The following FAM20C variants were observed in gnomAD, a reference collection of about 807,000 sequenced individuals.
The protein encoded by FAM20C is FAM20C golgi associated secretory pathway kinase.
In FAM20C, 40 loss-of-function variants were observed where a neutral mutation model predicts 51.5. The ratio of observed to expected loss-of-function variants is 0.78; its 90% CI spans 0.60 to 1.01. The LOEUF (loss-of-function observed/expected upper bound fraction) is 1.01. FAM20C is among the 50% of genes least tolerant of loss of function. FAM20C has a pLI of 0.00. For synonymous variants in FAM20C, 406 were observed against 380.6 expected (o/e 1.07, Z -0.78); for missense variants, 861 against 844.7 (o/e 1.02, Z -0.24).
chr7:219,661 C>T (rs1309415457), intron 3 of FAM20C, among the ~76,000 whole-genome samples: 2 of 152,164 alleles, frequency 1.3e-5, no homozygotes, highest in Non-Finnish European at 2.9e-5. Context: ...CCAGGGTGTC[C>T]TGCAGAGACT....
chr7:245,657 C>T (rs532781347), intron 3 of FAM20C, among the ~76,000 whole-genome samples: 1 of 152,374 alleles, frequency 6.6e-6, no homozygotes, highest in East Asian at 1.9e-4. Flanking sequence ...ACAATTCCTC[C>T]ACGTTTCCAC....
chr7:223,012 C>T (rs546961373), intron 3 of FAM20C, among the ~76,000 whole-genome samples: 6 of 148,468 alleles, frequency 4.0e-5, no homozygotes, highest in Admixed American at 1.3e-4. Flanking sequence ...GGCATCTGTA[C>T]GTGTGTGTGC....
chr7:260,006 G>A lies in FAM20C; in HGVS notation c.*26G>A, dbSNP rs573159780. The A allele has an allele frequency of 2.7e-6, 4 of 1,484,648 alleles. No individual in the cohort carries two copies. Among genetic ancestry groups the A allele is most frequent in the African/African-American group, 1.4e-5 (1 of 71,882 alleles). 92.0% of individuals were successfully genotyped at this position (1,484,648 alleles called of 1,614,324 possible). A position where few individuals can be genotyped will look rare whatever the true frequency, so the allele number is the denominator to read the frequency against. On this transcript the variant is annotated 3_prime_UTR_variant, in exon 10 of 10. Transcript: ENST00000313766. ...TGTCCGCCGGCCGCTGCGCTGCCCGGGACGGAGACAGAGGCGCCGGACCTC... is the reference window on the plus strand; with the variant it reads ...TGTCCGCCGGCCGCTGCGCTGCCCGAGACGGAGACAGAGGCGCCGGACCTC...
rs1479646302 is a variant in FAM20C at position 242,062 on chromosome 7, C to T, written c.864-4353C>T. Among the ~76,000 whole-genome samples, 5 of 152,318 alleles carry T rather than the reference C, an allele frequency of 3.3e-5. No individual in the cohort carries two copies. The East Asian group carries it at 9.7e-4, about 29-fold the overall frequency. On this transcript the variant is annotated intron_variant, in intron 3 of 9. Transcript: ENST00000313766. Reference sequence around the variant, plus strand: ...GCCCCTCCCTGGGCCTCAGTGTCCCCAGAGGCCCCCTGCGCTCTGGCAGGC... The same window carrying T: ...GCCCCTCCCTGGGCCTCAGTGTCCCTAGAGGCCCCCTGCGCTCTGGCAGGC...
intron 2 of FAM20C, 108 bp downstream of exon 2, chr7:195,840 AC>A: frequency 1.8e-6 from 2 of 1,131,786 alleles, no homozygotes; most frequent in Non-Finnish European, 1.1e-6. Flanking sequence ...GTTGCTCATT[AC>A]GGCAGCGTCA....
chr7:246,140 C>G, intron 3 of FAM20C: 1 of 335,274 alleles, frequency 3.0e-6, no homozygotes, highest in Non-Finnish European at 5.6e-6. Flanking sequence ...CCTCCGGCCT[C>G]CGTCGCAAGG....
intron 2 of FAM20C, among the ~76,000 whole-genome samples, chr7:207,479 C>A (rs1317208904): frequency 1.3e-5 from 2 of 152,232 alleles, no homozygotes; most frequent in African/African-American, 4.8e-5. Context: ...CCAGCCCTGC[C>A]CCTCGCTCCG....
intron 2 of FAM20C, among the ~76,000 whole-genome samples, chr7:199,380 G>A (rs1024797779): frequency 3.9e-5 from 6 of 152,216 alleles, no homozygotes; most frequent in African/African-American, 9.6e-5. Context: ...TCCAACCACC[G>A]CTCCACAGCG....
intron 1 of FAM20C, among the ~76,000 whole-genome samples, chr7:194,737 G>T (rs972478247): frequency 1.3e-5 from 2 of 152,018 alleles, no homozygotes; most frequent in Non-Finnish European, 2.9e-5. Flanking sequence ...AGAGACGGCC[G>T]CCCAGAGCAG....
intron 8 of FAM20C, 114 bp downstream of exon 8, chr7:257,200 G>A (rs1381607555): frequency 5.6e-6 from 6 of 1,066,992 alleles, no homozygotes; most frequent in African/African-American, 1.6e-5. Flanking sequence ...TGGAGGGATG[G>A]GAATGTCGCA....
chr7:209,969 T>A (rs1013467515), intron 3 of FAM20C, among the ~76,000 whole-genome samples: 5 of 151,964 alleles, frequency 3.3e-5, no homozygotes, highest in African/African-American at 1.2e-4. Flanking sequence ...TGCCCCGGTC[T>A]TCCCCCAAGA....
chr7:253,264 C>T (rs560587469), intron 5 of FAM20C, among the ~76,000 whole-genome samples: 174 of 152,316 alleles, frequency 1.1e-3, no homozygotes, highest in African/African-American at 3.8e-3. Flanking sequence ...GGCAGACGTC[C>T]GCCTTGCAAA....
intron 2 of FAM20C, 44 bp from the exon 3 acceptor site, chr7:208,853 CG>C: frequency 6.5e-7 from 1 of 1,538,770 alleles, no homozygotes; most frequent in Non-Finnish European, 8.8e-7. Context: ...GAAGAAGGGG[CG>C]TGAGGCCAGA....
chr7:250,073 C>T (rs376094063), intron 5 of FAM20C, among the ~76,000 whole-genome samples: 68 of 152,318 alleles, frequency 4.5e-4, no homozygotes, highest in African/African-American at 1.5e-3. Context: ...ACTCTCCTGG[C>T]CCATCTGTTT....
chr7:212,996 A>G (rs1036537185), intron 3 of FAM20C, among the ~76,000 whole-genome samples: 1 of 152,170 alleles, frequency 6.6e-6, no homozygotes, highest in Non-Finnish European at 1.5e-5. Flanking sequence ...GTCAAGCACT[A>G]GCCTACTTTC....
intron 2 of FAM20C, among the ~76,000 whole-genome samples, chr7:203,474 G>A (rs372951509): frequency 5.9e-5 from 9 of 152,236 alleles, no homozygotes; most frequent in African/African-American, 1.9e-4. Flanking sequence ...AGGAGGGTGG[G>A]CGTCTGTACC....
intron 8 of FAM20C, among the ~76,000 whole-genome samples, chr7:258,025 ACC>A: frequency 2.6e-5 from 2 of 75,592 alleles, no homozygotes; most frequent in Non-Finnish European, 5.3e-5. Flanking sequence ...GGCTGGGTGG[ACC>A]CACTGCCCGG....
chr7:258,183 G>A (rs1450255128), intron 8 of FAM20C, among the ~76,000 whole-genome samples: 4 of 118,140 alleles, frequency 3.4e-5, no homozygotes, highest in African/African-American at 1.4e-4. Context: ...ACTGCCTGAG[G>A]TGCTGGAGAT....
At position 232,421 on chromosome 7, in the gene FAM20C, G is replaced by A. The variant is rs964869045; in HGVS notation, c.864-13994G>A. 5.9e-5 allele frequency among the ~76,000 whole-genome samples: 9 copies of A among 152,306 alleles called. No individual in the cohort carries two copies. The South Asian group carries it at 1.2e-3, about 21-fold the overall frequency. ...CAGAGCAACCCTCACACCTGCACGC[G>A]TGGCCCTGGGTCACTGCCTGCACTG... On this transcript the variant is annotated intron_variant, in intron 3 of 9. Coordinates refer to ENST00000313766, the MANE Select transcript of FAM20C (RefSeq NM_020223.4).
Sources: allele counts gnomAD v4.1 joint callset (sites outside exome capture counted in the v4.1 genomes callset), GRCh38; gene constraint gnomAD v4.1.1; transcripts MANE v1.5; gene names NCBI Gene and HGNC (gene_info 2026-07-23, HGNC 2026-07-21).